Variants in GPC4 observed in about 807,000 individuals in gnomAD.
GPC4 encodes glypican 4.
Under a neutral mutation model 35.0 loss-of-function variants are expected in GPC4, and 10 were observed. The ratio of observed to expected loss-of-function variants is 0.29; its 90% CI spans 0.18 to 0.48. The LOEUF is 0.48. Among genes scored for constraint, GPC4 ranks in the 20% least tolerant of loss-of-function variants. GPC4 has a pLI of 0.99. For missense variants in GPC4, 322 were observed against 451.3 expected (o/e 0.71, Z 2.60); for synonymous variants, 167 against 170.2 (o/e 0.98, Z 0.15).
At chrX:133,336,622 C>T (rs1414548969) in intron 2 of GPC4, among the ~76,000 whole-genome samples, 1 of 110,632 alleles carries the variant, frequency 9.0e-6, no homozygotes, top group East Asian at 2.8e-4. Flanking sequence ...AAGGTTTTAC[C>T]ATATAAAATT....
At chrX:133,358,097 G>C (rs2068550117) in intron 1 of GPC4, among the ~76,000 whole-genome samples, 1 of 112,196 alleles carries the variant, frequency 8.9e-6, no homozygotes, top group South Asian at 3.7e-4. Context: ...CTGCAATACT[G>C]CTCTAGGATT....
At chrX:133,305,978 C>T (rs766411379) in intron 5 of GPC4, 46 bp downstream of exon 5, 40 of 1,207,222 alleles carry the variant, frequency 3.3e-5, no homozygotes, top group South Asian at 1.9e-4. Context: ...GAGGCGGAGG[C>T]GGGGGAGGTC....
At chrX:133,411,706 G>C (rs1442265749) in intron 1 of GPC4, among the ~76,000 whole-genome samples, 1 of 111,766 alleles carries the variant, frequency 8.9e-6, no homozygotes, top group Non-Finnish European at 1.9e-5. Flanking sequence ...CTGAGCAGAG[G>C]ATACTGCACA....
chrX:133,358,277 A>C (rs969655459), intron 1 of GPC4, among the ~76,000 whole-genome samples: 1 of 112,495 alleles, frequency 8.9e-6, no homozygotes, highest in African/African-American at 3.2e-5. Context: ...ATTTTGGGGA[A>C]TCAACTTAGC....
At chrX:133,319,143 CT>C (rs755308280) in intron 3 of GPC4, among the ~76,000 whole-genome samples, 1 of 111,320 alleles carries the variant, frequency 9.0e-6, no homozygotes, top group Non-Finnish European at 1.9e-5. Flanking sequence ...TCATATTTCA[CT>C]TTAAAGACCT....
At chrX:133,404,584 G>A (rs1354625952) in intron 1 of GPC4, among the ~76,000 whole-genome samples, 1 of 102,899 alleles carries the variant, frequency 9.7e-6, no homozygotes, top group Admixed American at 1.0e-4. Context: ...AGAGGGGCCG[G>A]GCGTGGTGGC....
At chrX:133,399,525 A>G (rs1449893006) in intron 1 of GPC4, among the ~76,000 whole-genome samples, 1 of 111,745 alleles carries the variant, frequency 8.9e-6, no homozygotes, top group African/African-American at 3.3e-5. Flanking sequence ...CCTCCGTTTA[A>G]CTTTGGGACT....
intron 3 of GPC4, 140 bp from the exon 4 acceptor site, chrX:133,311,563 G>T: frequency 1.8e-6 from 1 of 566,193 alleles, no homozygotes; most frequent in Non-Finnish European, 3.0e-6. Flanking sequence ...AGCCTGGACT[G>T]CCTCCTGAAG....
intron 1 of GPC4, among the ~76,000 whole-genome samples, chrX:133,355,673 T>C (rs1343008867): frequency 9.0e-6 from 1 of 111,599 alleles, no homozygotes; most frequent in Non-Finnish European, 1.9e-5. Context: ...GTGTGCACCA[T>C]CCAAATTGCA....
At chrX:133,311,120 G>T in intron 4 of GPC4, 138 bp downstream of exon 4, 1 of 563,616 alleles carries the variant, frequency 1.8e-6, no homozygotes, top group Non-Finnish European at 2.9e-6. Context: ...CAAAGTAGTT[G>T]AGCGTAGTCA....
chrX:133,357,135 G>A (rs770533023), intron 1 of GPC4, among the ~76,000 whole-genome samples: 1 of 110,594 alleles, frequency 9.0e-6, no homozygotes, highest in Non-Finnish European at 1.9e-5. Context: ...TGTAATCCCA[G>A]CACTTTGGGA....
chrX:133,305,534 G>C (rs2068286834), intron 6 of GPC4, among the ~76,000 whole-genome samples: 1 of 111,708 alleles, frequency 9.0e-6, no homozygotes, highest in African/African-American at 3.3e-5. Flanking sequence ...ATAAATGCAT[G>C]GTGAATCTAA....
chrX:133,380,666 G>T (rs2068656830), intron 1 of GPC4, among the ~76,000 whole-genome samples: 1 of 111,241 alleles, frequency 9.0e-6, no homozygotes, highest in Non-Finnish European at 1.9e-5. Context: ...GTCTATTTTT[G>T]AAAATAAATT....
intron 2 of GPC4, among the ~76,000 whole-genome samples, chrX:133,326,232 C>CA (rs1439310422): frequency 1.3e-4 from 15 of 111,212 alleles, no homozygotes; most frequent in African/African-American, 4.6e-4. Flanking sequence ...AGTGAGAGGG[C>CA]AGAAACTGCA....
chrX:133,410,794 T>C (rs899282666), intron 1 of GPC4, among the ~76,000 whole-genome samples: 9 of 112,747 alleles, frequency 8.0e-5, no homozygotes, highest in African/African-American at 2.9e-4. Context: ...GAGACTGAGC[T>C]GCATAAGCCA....
chrX:133,343,554 ATTAAG>A (rs1249405322), intron 1 of GPC4, among the ~76,000 whole-genome samples: 3 of 111,871 alleles, frequency 2.7e-5, no homozygotes, highest in Non-Finnish European at 3.8e-5. Flanking sequence ...AAGCACCTAA[ATTAAG>A]TTGCTTTTTG....
chrX:133,324,550 CAAA>C lies in GPC4; in HGVS notation c.320-17_320-15del, dbSNP rs57898529. ...CTTTGAAGAATTCTGAAACCAACAC[CAAA>C]AAAAAAAAAAAAAAAAGGAAAAACG... On this transcript the variant is annotated splice_polypyrimidine_tract_variant and intron_variant, in intron 2 of 8. Coordinates refer to ENST00000370828, the MANE Select transcript of GPC4 (RefSeq NM_001448.3). The C allele has an allele frequency of 0.031, 22,903 of 733,713 alleles. 1 individual carries two copies. Among genetic ancestry groups the C allele is most frequent in the South Asian group, 0.036 (575 of 16,080 alleles). The allele number at this position is 733,713 out of a possible 1,213,427, so 60.5% of individuals were successfully genotyped here.
At chrX:133,388,296 C>A (rs1485374657) in intron 1 of GPC4, among the ~76,000 whole-genome samples, 2 of 112,220 alleles carry the variant, frequency 1.8e-5, no homozygotes, top group African/African-American at 6.5e-5. Context: ...CCTAACATAA[C>A]CACTGTTGTT....
At chrX:133,309,240 C>T (rs1332142878) in intron 4 of GPC4, among the ~76,000 whole-genome samples, 3 of 112,084 alleles carry the variant, frequency 2.7e-5, no homozygotes, top group African/African-American at 9.7e-5. Context: ...AAAAAGTTAT[C>T]ACTTAAAATA....
Sources: allele counts gnomAD v4.1 joint callset (sites outside exome capture counted in the v4.1 genomes callset), GRCh38; gene constraint gnomAD v4.1.1; transcripts MANE v1.5; gene names NCBI Gene and HGNC (gene_info 2026-07-23, HGNC 2026-07-21).